Variants in DISP1 observed in about 807,000 individuals in gnomAD.
The protein encoded by DISP1 is protein dispatched homolog 1.
In DISP1, 30 loss-of-function variants were observed where a neutral mutation model predicts 37.3. The ratio of observed to expected loss-of-function variants is 0.80; its 90% CI spans 0.60 to 1.09. The LOEUF is 1.09. Among genes scored for constraint, DISP1 ranks in the 50% least tolerant of loss-of-function variants. The probability of loss-of-function intolerance (pLI) is 0.00; values close to 1 mark genes in which losing one functional copy is unlikely to be tolerated. For synonymous variants in DISP1, 634 were observed against 690.2 expected (o/e 0.92, Z 1.28); for missense variants, 1,598 against 1,879.5 (o/e 0.85, Z 2.77).
intron 1 of DISP1, among the ~76,000 whole-genome samples, chr1:222,904,912 A>G (rs1572474202): frequency 6.6e-6 from 1 of 152,248 alleles, no homozygotes; most frequent in South Asian, 2.1e-4. Flanking sequence ...TATTTTTGGA[A>G]TATTTTTACT....
intron 3 of DISP1, among the ~76,000 whole-genome samples, chr1:222,981,154 G>A (rs1007491450): frequency 1.3e-5 from 2 of 152,232 alleles, no homozygotes; most frequent in Non-Finnish European, 1.5e-5. Flanking sequence ...CAAAAGAAAA[G>A]ACAATTATTT....
intron 3 of DISP1, among the ~76,000 whole-genome samples, chr1:222,977,534 C>CTTT (rs35860006): frequency 3.0e-5 from 4 of 132,340 alleles, no homozygotes; most frequent in East Asian, 2.1e-4. Context: ...TTTTTAAATT[C>CTTT]TTTTTTTTTT....
In DISP1 at chr1:222,997,225, T is replaced by A. The variant is rs532067666; in HGVS notation, c.987+2243T>A. On this transcript the variant is annotated intron_variant, in intron 8 of 8. Coordinates refer to ENST00000675850, the MANE Select transcript of DISP1 (RefSeq NM_001377229.1). Reference sequence around the variant, plus strand: ...GGGAGGAAAATAATAAAGCTAAGGATGAGATTTATACTAATGCACACCCCA... The same window carrying A: ...GGGAGGAAAATAATAAAGCTAAGGAAGAGATTTATACTAATGCACACCCCA... Among the ~76,000 whole-genome samples the A allele has an allele frequency of 8.5e-5, 13 of 152,214 alleles. No individual in the cohort carries two copies. In the South Asian group the frequency reaches 2.5e-3, roughly 29 times the overall value.
intron 1 of DISP1, among the ~76,000 whole-genome samples, chr1:222,869,874 G>C (rs1669426899): frequency 1.3e-5 from 2 of 151,750 alleles, no homozygotes. Context: ...GTGACGTGTT[G>C]GTGTGCTGCA....
intron 8 of DISP1, among the ~76,000 whole-genome samples, chr1:222,999,524 G>T (rs1679296999): frequency 1.3e-5 from 2 of 152,044 alleles, no homozygotes; most frequent in African/African-American, 4.8e-5. Context: ...ACAGACTTTG[G>T]TACTTTCTCT....
intron 1 of DISP1, among the ~76,000 whole-genome samples, chr1:222,900,353 A>G (rs1671510796): frequency 6.6e-6 from 1 of 152,168 alleles, no homozygotes; most frequent in Non-Finnish European, 1.5e-5. Flanking sequence ...TATATGTGAA[A>G]CCATTTATGT....
intron 3 of DISP1, among the ~76,000 whole-genome samples, chr1:222,958,961 T>TA (rs1558357156): frequency 6.6e-6 from 1 of 150,902 alleles, no homozygotes; most frequent in African/African-American, 2.4e-5. Context: ...GTTTTTTTTT[T>TA]ATCAACATTG....
At chr1:222,867,347 A>G (rs1669253385) in intron 1 of DISP1, among the ~76,000 whole-genome samples, 1 of 152,228 alleles carries the variant, frequency 6.6e-6, no homozygotes, top group African/African-American at 2.4e-5. Context: ...CAATGAATTG[A>G]CCATTATAGT....
chr1:222,960,327 C>T (rs553837585), intron 3 of DISP1, among the ~76,000 whole-genome samples: 1 of 152,156 alleles, frequency 6.6e-6, no homozygotes, highest in South Asian at 2.1e-4. Flanking sequence ...TCACTAAAAA[C>T]CACACAATTA....
chr1:222,859,633 T>C (rs1668761152), intron 1 of DISP1, among the ~76,000 whole-genome samples: 1 of 152,242 alleles, frequency 6.6e-6, no homozygotes, highest in Non-Finnish European at 1.5e-5. Context: ...TCAGTAGAAG[T>C]GTTGGGAGAT....
chr1:222,868,119 T>C (rs1451596921), intron 1 of DISP1, among the ~76,000 whole-genome samples: 1 of 152,078 alleles, frequency 6.6e-6, no homozygotes, highest in African/African-American at 2.4e-5. Flanking sequence ...ACGGTAGTGT[T>C]TGACTATAGT....
Position 222,894,137 on chromosome 1 carries a change from T to G in DISP1, c.-158-34293T>G, listed in dbSNP as rs180811378. Among the ~76,000 whole-genome samples, 446 of 152,216 alleles carry G rather than the reference T, an allele frequency of 2.9e-3. 3 individuals carry two copies. Among genetic ancestry groups the G allele is most frequent in the African/African-American group, 0.01 (433 of 41,530 alleles). On this transcript the variant is annotated intron_variant, in intron 1 of 8. Transcript: ENST00000675850. Reference sequence around the variant, plus strand: ...GAAGTGTGTACTGGTTGATCCATGGTTGGGCCCAGAAAAAGCTCCCTAAGT... The same window carrying G: ...GAAGTGTGTACTGGTTGATCCATGGGTGGGCCCAGAAAAAGCTCCCTAAGT...
At chr1:222,956,863 A>T (rs943803921) in intron 3 of DISP1, among the ~76,000 whole-genome samples, 2 of 152,094 alleles carry the variant, frequency 1.3e-5, no homozygotes, top group Non-Finnish European at 2.9e-5. Context: ...ACTATATATT[A>T]TACTCTTATT....
chr1:222,890,288 G>A (rs946591941), intron 1 of DISP1, among the ~76,000 whole-genome samples: 1 of 152,110 alleles, frequency 6.6e-6, no homozygotes, highest in African/African-American at 2.4e-5. Context: ...ATAATTTAGG[G>A]TTGTGCTTTG....
intron 1 of DISP1, among the ~76,000 whole-genome samples, chr1:222,901,648 C>T (rs1671593294): frequency 6.6e-6 from 1 of 152,132 alleles, no homozygotes; most frequent in East Asian, 1.9e-4. Flanking sequence ...CTGCCTCAGC[C>T]TTCTGAGTAG....
intron 2 of DISP1, among the ~76,000 whole-genome samples, chr1:222,935,967 C>T (rs2378616): frequency 2.6e-5 from 4 of 152,144 alleles, no homozygotes; most frequent in African/African-American, 9.7e-5. Flanking sequence ...ACCACATATA[C>T]CATGTTGGTC....
At chr1:222,883,748 C>G (rs1670412643) in intron 1 of DISP1, among the ~76,000 whole-genome samples, 1 of 152,188 alleles carries the variant, frequency 6.6e-6, no homozygotes, top group Admixed American at 6.5e-5. Context: ...GCAAAAAGGT[C>G]TGTTAAAATA....
At chr1:222,877,835 G>A (rs760951738) in intron 1 of DISP1, among the ~76,000 whole-genome samples, 2 of 152,212 alleles carry the variant, frequency 1.3e-5, no homozygotes, top group Admixed American at 6.5e-5. Context: ...TTAAGGAAAA[G>A]AGCAGGAACT....
At chr1:222,939,863 C>G (rs201266666) in intron 2 of DISP1, among the ~76,000 whole-genome samples, 1 of 151,380 alleles carries the variant, frequency 6.6e-6, no homozygotes, top group Non-Finnish European at 1.5e-5. Flanking sequence ...CAGTGGCTCA[C>G]GCCTGTAATC....
Sources: allele counts gnomAD v4.1 joint callset (sites outside exome capture counted in the v4.1 genomes callset), GRCh38; gene constraint gnomAD v4.1.1; transcripts MANE v1.5; gene names NCBI Gene and HGNC (gene_info 2026-07-23, HGNC 2026-07-21).